The following PPP2R3B variants were observed in gnomAD, a reference collection of about 807,000 sequenced individuals.
PPP2R3B encodes the protein serine/threonine-protein phosphatase 2A regulatory subunit B'' subunit beta.
Under a neutral mutation model 72.9 loss-of-function variants are expected in PPP2R3B, and 68 were observed. The observed-to-expected ratio is 0.93, with a 90% CI of 0.77 to 1.14. PPP2R3B has a LOEUF of 1.14. PPP2R3B is among the 50% of genes most tolerant of loss of function. The probability of loss-of-function intolerance (pLI) is 0.00; values close to 1 mark genes in which losing one functional copy is unlikely to be tolerated. For synonymous variants in PPP2R3B, 466 were observed against 375.8 expected (o/e 1.24, Z -2.78); for missense variants, 1,018 against 842.0 (o/e 1.21, Z -2.59).
chrX:350,287 C>A (rs1484503930), intron 2 of PPP2R3B, among the ~76,000 whole-genome samples: 2 of 152,224 alleles, frequency 1.3e-5, no homozygotes, highest in Admixed American at 1.3e-4. Context: ...ACAGCGGCCC[C>A]TCCTGGAAGG....
intron 1 of PPP2R3B, among the ~76,000 whole-genome samples, chrX:364,742 G>C (rs1458687202): frequency 3.9e-5 from 3 of 76,122 alleles, no homozygotes; most frequent in South Asian, 5.7e-4. Context: ...GATTAACCAG[G>C]TGTGGTGGCG....
intron 10 of PPP2R3B, among the ~76,000 whole-genome samples, chrX:339,251 C>A (rs865877218): frequency 5.8e-5 from 7 of 121,684 alleles, no homozygotes; most frequent in African/African-American, 1.6e-4. Flanking sequence ...GGACACTGAG[C>A]AGCAGGAGGC....
Position 346,445 on chromosome X carries a change from G to A in PPP2R3B, c.793-185C>T, listed in dbSNP as rs1465588339. ...CGCCCCAGGCCGCGGAAAGCGGGGA[G>A]GGTCTGGCCGGGGACGCCCCGGAGC... On this transcript the variant is annotated intron_variant, in intron 5 of 12. Coordinates refer to ENST00000390665, the MANE Select transcript of PPP2R3B (RefSeq NM_013239.5). 25 of 646,212 alleles carry A rather than the reference G, an allele frequency of 3.9e-5. No homozygotes were observed. In the South Asian group the frequency reaches 4.6e-4, roughly 12 times the overall value. 40.0% of individuals were successfully genotyped at this position (646,212 alleles called of 1,614,324 possible).
chrX:361,651 C>T (rs28713649), intron 1 of PPP2R3B, 61 bp from the exon 2 acceptor site: 527,386 of 1,585,748 alleles, frequency 0.33, 90,257 homozygotes, highest in Non-Finnish European at 0.36. Flanking sequence ...CTTCTTCACC[C>T]GGACAACACA....
chrX:379,428 T>C (rs1474000060), intron 1 of PPP2R3B, among the ~76,000 whole-genome samples: 1 of 146,312 alleles, frequency 6.8e-6, no homozygotes, highest in African/African-American at 2.6e-5. Flanking sequence ...GCACCTGTGT[T>C]TGTGCATATG....
chrX:346,636 G>A (rs2071221156), intron 5 of PPP2R3B, 65 bp downstream of exon 5: 26 of 1,465,796 alleles, frequency 1.8e-5, no homozygotes, highest in South Asian at 3.6e-5. Context: ...GAAGCCCCGC[G>A]GCGGCCGCTG....
intron 1 of PPP2R3B, among the ~76,000 whole-genome samples, chrX:363,004 G>A (rs1241880169): frequency 2.6e-5 from 4 of 151,982 alleles, no homozygotes; most frequent in Non-Finnish European, 4.4e-5. Flanking sequence ...TGCTGTCGCT[G>A]CAGGACCCTC....
intron 1 of PPP2R3B, among the ~76,000 whole-genome samples, chrX:363,567 TGA>T (rs1569404044): frequency 3.8e-3 from 9 of 2,398 alleles, no homozygotes; most frequent in African/African-American, 9.3e-3. Context: ...TGCATCTCCA[TGA>T]GTCCACGATC....
At chrX:384,276 CTCTCTCTA>C (rs961121563) in intron 1 of PPP2R3B, among the ~76,000 whole-genome samples, 5 of 148,722 alleles carry the variant, frequency 3.4e-5, no homozygotes, top group Admixed American at 6.7e-5. Flanking sequence ...CTCTCTCTCT[CTCTCTCTA>C]TATATATATA....
At chrX:347,838 T>A in intron 2 of PPP2R3B, 145 bp from the exon 3 acceptor site, 1 of 603,430 alleles carries the variant, frequency 1.7e-6, no homozygotes, top group Non-Finnish European at 2.8e-6. Context: ...TCTGGGCATC[T>A]GCAAACTCAA....
chrX:335,495 C>CCCAGT (rs1340280925), intron 12 of PPP2R3B: 1 of 152,200 alleles, frequency 6.6e-6, no homozygotes, highest in African/African-American at 2.4e-5. Flanking sequence ...TGGCAGGAAT[C>CCCAGT]GGACGGGGCG....
At chrX:358,232 G>A (rs1331560054) in intron 2 of PPP2R3B, among the ~76,000 whole-genome samples, 3 of 141,682 alleles carry the variant, frequency 2.1e-5, no homozygotes, top group Non-Finnish European at 3.1e-5. Flanking sequence ...CGGCGAGCTG[G>A]GCGCCACCGA....
At chrX:343,957 A>G (rs1335768247) in intron 7 of PPP2R3B, among the ~76,000 whole-genome samples, 1 of 83,168 alleles carries the variant, frequency 1.2e-5, no homozygotes, top group African/African-American at 4.9e-5. Flanking sequence ...GGGAGACCTC[A>G]GCAACGGGAG....
intron 12 of PPP2R3B, chrX:334,863 G>A (rs1354899060): frequency 3.0e-5 from 8 of 267,902 alleles, no homozygotes; most frequent in African/African-American, 8.8e-5. Flanking sequence ...ACACAGGACT[G>A]GAGAACAAAC....
intron 2 of PPP2R3B, among the ~76,000 whole-genome samples, chrX:353,017 G>A (rs2071362530): frequency 6.6e-6 from 1 of 151,788 alleles, no homozygotes; most frequent in South Asian, 2.1e-4. Context: ...TGGGTGATGA[G>A]GGTGGACAGC....
chrX:386,706 C>A lies in PPP2R3B; in HGVS notation c.-15G>T. Reference sequence around the variant, plus strand: ...CCGGGCGGCATGGCGGGGGCTGGGCCCGCGGCGCCCCCGGACGCCCGCGCC... The same window carrying A: ...CCGGGCGGCATGGCGGGGGCTGGGCACGCGGCGCCCCCGGACGCCCGCGCC... On this transcript the variant is annotated 5_prime_UTR_variant, in exon 1 of 13. Transcript: ENST00000390665. The A allele has an allele frequency of 8.0e-7, 1 of 1,257,020 alleles. No homozygotes were observed. Among genetic ancestry groups the A allele is most frequent in the South Asian group, 2.9e-5 (1 of 34,412 alleles). 77.9% of individuals were successfully genotyped at this position (1,257,020 alleles called of 1,614,324 possible).
Position 341,290 on chromosome X carries a change from C to A in PPP2R3B, c.1175+17G>T. On this transcript the variant is annotated intron_variant, in intron 9 of 12. Transcript: ENST00000390665. ...GCCCCTCCACTGGGACAAACGCATG[C>A]CGCAGCAGGAACCCACCTGGTCGGT... The A allele has an allele frequency of 6.2e-7, 1 of 1,612,088 alleles. No individual in the cohort carries two copies. Among genetic ancestry groups the A allele is most frequent in the Non-Finnish European group, 8.5e-7 (1 of 1,179,466 alleles).
intron 1 of PPP2R3B, among the ~76,000 whole-genome samples, chrX:364,046 G>A (rs960127079): frequency 6.6e-6 from 1 of 152,244 alleles, no homozygotes; most frequent in African/African-American, 2.4e-5. Context: ...AGAACCCGGG[G>A]AAGCCCGTGG....
At chrX:364,380 A>C (rs1214617491) in intron 1 of PPP2R3B, among the ~76,000 whole-genome samples, 3 of 151,818 alleles carry the variant, frequency 2.0e-5, no homozygotes, top group African/African-American at 7.3e-5. Flanking sequence ...ATGCTGCGAA[A>C]ACCCTCAAAC....
Sources: allele counts gnomAD v4.1 joint callset (sites outside exome capture counted in the v4.1 genomes callset), GRCh38; gene constraint gnomAD v4.1.1; transcripts MANE v1.5; gene names NCBI Gene and HGNC (gene_info 2026-07-23, HGNC 2026-07-21).